KIRREL3: variants seen among roughly 807,000 people sequenced by gnomAD.
KIRREL3 encodes kin of IRRE-like protein 3.
In KIRREL3, 36 loss-of-function variants were observed where a neutral mutation model predicts 89.7. That is an observed-to-expected ratio of 0.40 (90% CI 0.31 to 0.53). KIRREL3 has a LOEUF of 0.53. Among genes scored for constraint, KIRREL3 ranks in the 20% least tolerant of loss-of-function variants. KIRREL3 has a pLI of 0.49. For missense variants in KIRREL3, 864 were observed against 1,056.6 expected (o/e 0.82, Z 2.53); for synonymous variants, 445 against 441.4 (o/e 1.01, Z -0.10).
chr11:126,704,812 TG>T lies in KIRREL3; in HGVS notation c.56-141901del, dbSNP rs1462222669. On this transcript the variant is annotated intron_variant, in intron 1 of 16. Transcript: ENST00000525144. This position sits in a 1 kb window ranked among gnomAD's most constrained non-coding sequence, Gnocchi z 4.2. Reference sequence around the variant, plus strand: ...CATCAGAATTGGTGACAAAACAAGCTGGGGGGCTCCTAAAGGAAGATACTGG... The same window carrying T: ...CATCAGAATTGGTGACAAAACAAGCTGGGGGCTCCTAAAGGAAGATACTGG... Among the ~76,000 whole-genome samples, 2 of 152,264 alleles carry T rather than the reference TG, an allele frequency of 1.3e-5. No homozygotes were observed. The highest frequency in any genetic ancestry group is 2.9e-5 in the Non-Finnish European group (2 of 68,014).
chr11:126,466,618 T>G (rs1303865532), intron 5 of KIRREL3, among the ~76,000 whole-genome samples: 2 of 152,198 alleles, frequency 1.3e-5, no homozygotes, highest in Admixed American at 6.5e-5. Context: ...TCACTCCTTT[T>G]CAGAAATGAA....
chr11:126,574,267 G>C lies in KIRREL3; in HGVS notation c.56-11355C>G, dbSNP rs951649269. On this transcript the variant is annotated intron_variant, in intron 1 of 16. Coordinates refer to ENST00000525144, the MANE Select transcript of KIRREL3 (RefSeq NM_032531.4). This position sits in a 1 kb window ranked among gnomAD's most constrained non-coding sequence, Gnocchi z 5.3. ...CACCCTGCTGCTAATGGCAGGGCTA[G>C]GATTTGACCACAACGCTTGGGGTAA... Among the ~76,000 whole-genome samples the C allele has an allele frequency of 6.6e-6, 1 of 152,198 alleles. No individual in the cohort carries two copies. The highest frequency in any genetic ancestry group is 2.4e-5 in the African/African-American group (1 of 41,442).
At chr11:126,855,468 A>G (rs1944476283) in intron 1 of KIRREL3, among the ~76,000 whole-genome samples, 1 of 152,220 alleles carries the variant, frequency 6.6e-6, no homozygotes, top group Admixed American at 6.5e-5. Context: ...TTGTGAGTCA[A>G]CAAAACCTCT....
intron 11 of KIRREL3, 44 bp downstream of exon 11, chr11:126,440,405 G>A: frequency 1.3e-6 from 2 of 1,523,726 alleles, no homozygotes; most frequent in South Asian, 1.2e-5. Context: ...AGTGACTGTT[G>A]GGCTGCTGGC....
chr11:126,648,376 T>C lies in KIRREL3; in HGVS notation c.56-85464A>G, dbSNP rs1009033223. Among the ~76,000 whole-genome samples the C allele has an allele frequency of 3.9e-5, 6 of 152,220 alleles. No individual in the cohort carries two copies. The East Asian group carries it at 7.7e-4, about 20-fold the overall frequency. ...TCCTGCCTCAGGGTCTTTGCACTTA[T>C]GCAGTTCCCTCTGCCTGGGATGTCC... On this transcript the variant is annotated intron_variant, in intron 1 of 16. Coordinates refer to ENST00000525144, the MANE Select transcript of KIRREL3 (RefSeq NM_032531.4).
chr11:126,934,091 T>TGTG (rs1231278953), intron 1 of KIRREL3, among the ~76,000 whole-genome samples: 4 of 151,948 alleles, frequency 2.6e-5, no homozygotes, highest in Non-Finnish European at 5.9e-5. Context: ...ATCCACACAG[T>TGTG]GTGGTGCTGA....
chr11:126,536,981 G>T (rs1456625380), intron 2 of KIRREL3, among the ~76,000 whole-genome samples: 1 of 152,012 alleles, frequency 6.6e-6, no homozygotes, highest in African/African-American at 2.4e-5. Context: ...GCTTGGAGGC[G>T]GCTCAGAGGC....
Position 126,606,015 on chromosome 11 carries a change from A to T in KIRREL3, c.56-43103T>A, listed in dbSNP as rs1942875340. Reference sequence around the variant, plus strand: ...CAGAGGGACGCAGGCCATCTTGGGAAGGAATCCCAGTTGACCACTCATTAT... The same window carrying T: ...CAGAGGGACGCAGGCCATCTTGGGATGGAATCCCAGTTGACCACTCATTAT... On this transcript the variant is annotated intron_variant, in intron 1 of 16. Coordinates refer to ENST00000525144, the MANE Select transcript of KIRREL3 (RefSeq NM_032531.4). This position sits in a 1 kb window ranked among gnomAD's most constrained non-coding sequence, Gnocchi z 4.6. Among the ~76,000 whole-genome samples the T allele has an allele frequency of 6.6e-6, 1 of 152,214 alleles. No individual in the cohort carries two copies. The highest frequency in any genetic ancestry group is 1.5e-5 in the Non-Finnish European group (1 of 68,040).
chr11:126,952,095 TAG>T (rs1212173531), intron 1 of KIRREL3, among the ~76,000 whole-genome samples: 2 of 152,152 alleles, frequency 1.3e-5, no homozygotes, highest in Non-Finnish European at 2.9e-5. Flanking sequence ...TAAGAATAAA[TAG>T]AGTTTTGGCT....
chr11:126,728,632 A>G (rs1431436920), intron 1 of KIRREL3, among the ~76,000 whole-genome samples: 1 of 152,190 alleles, frequency 6.6e-6, no homozygotes, highest in Non-Finnish European at 1.5e-5. Flanking sequence ...TAGGGCCCAC[A>G]GGAACCTGGA....
chr11:126,760,364 C>A (rs1341857643), intron 1 of KIRREL3, among the ~76,000 whole-genome samples: 4 of 152,232 alleles, frequency 2.6e-5, no homozygotes, highest in Non-Finnish European at 4.4e-5. Context: ...CTATGCTCAG[C>A]CTAACTGCTC....
chr11:126,442,347 C>CACACAA (rs1482328839), intron 10 of KIRREL3, among the ~76,000 whole-genome samples: 2 of 132,256 alleles, frequency 1.5e-5, no homozygotes, highest in Non-Finnish European at 3.3e-5. Flanking sequence ...CACACACACA[C>CACACAA]ACACACAAAA....
At chr11:126,735,418 C>T (rs960405182) in intron 1 of KIRREL3, among the ~76,000 whole-genome samples, 5 of 152,144 alleles carry the variant, frequency 3.3e-5, no homozygotes, top group African/African-American at 1.2e-4. Flanking sequence ...TTCCACCGGC[C>T]CCATTTCCCA....
intron 1 of KIRREL3, among the ~76,000 whole-genome samples, chr11:126,967,770 G>C (rs766395892): frequency 6.6e-6 from 1 of 152,090 alleles, no homozygotes; most frequent in East Asian, 1.9e-4. Flanking sequence ...CCCTCCCTGG[G>C]TACACTTGGT....
rs965280364 is a variant in KIRREL3 at position 126,978,559 on chromosome 11, C to G, written c.55+21896G>C. On this transcript the variant is annotated intron_variant, in intron 1 of 16. Coordinates refer to ENST00000525144, the MANE Select transcript of KIRREL3 (RefSeq NM_032531.4). The surrounding 1 kb of genome is among the most constrained non-coding windows in gnomAD (Gnocchi z 4.2). Reference sequence around the variant, plus strand: ...GGTCTATGCCCAGTGCATTCAGCCACTGATGCTCCTTGGTTCTGGCCACGC... The same window carrying G: ...GGTCTATGCCCAGTGCATTCAGCCAGTGATGCTCCTTGGTTCTGGCCACGC... Among the ~76,000 whole-genome samples, 3 of 152,228 alleles carry G rather than the reference C, an allele frequency of 2.0e-5. No homozygotes were observed. Among genetic ancestry groups the G allele is most frequent in the Non-Finnish European group, 4.4e-5 (3 of 68,050 alleles).
rs897005130 is a variant in KIRREL3, at chr11:126,740,223, A to C, written c.56-177311T>G. On this transcript the variant is annotated intron_variant, in intron 1 of 16. Coordinates refer to ENST00000525144, the MANE Select transcript of KIRREL3 (RefSeq NM_032531.4). The surrounding 1 kb of genome is among the most constrained non-coding windows in gnomAD (Gnocchi z 6.0). ...TTTTCTCTCCACATTCATTTTGAGCAGGTAATAAAGGCTATAGTGGGGGAG... is the reference window on the plus strand; with the variant it reads ...TTTTCTCTCCACATTCATTTTGAGCCGGTAATAAAGGCTATAGTGGGGGAG... Among the ~76,000 whole-genome samples the C allele has an allele frequency of 1.3e-5, 2 of 152,170 alleles. No homozygotes were observed. Among genetic ancestry groups the C allele is most frequent in the African/African-American group, 4.8e-5 (2 of 41,436 alleles).
intron 1 of KIRREL3, among the ~76,000 whole-genome samples, chr11:126,871,835 T>C (rs576696218): frequency 1.3e-5 from 2 of 152,324 alleles, no homozygotes; most frequent in South Asian, 4.2e-4. Flanking sequence ...CATCAGGTCC[T>C]GAACACTGAA....
At chr11:126,852,769 A>C (rs372215923) in intron 1 of KIRREL3, among the ~76,000 whole-genome samples, 4 of 152,194 alleles carry the variant, frequency 2.6e-5, no homozygotes, top group Non-Finnish European at 4.4e-5. Flanking sequence ...GCACTGTACT[A>C]AAGGTCCCCC....
chr11:126,576,897 C>G lies in KIRREL3; in HGVS notation c.56-13985G>C, dbSNP rs1941282208. ...GCTGCTATCTGCTGGGCACTTTACA[C>G]ACACACAGTTATGCCATTTAGTCCA... On this transcript the variant is annotated intron_variant, in intron 1 of 16. Transcript: ENST00000525144. This position sits in a 1 kb window ranked among gnomAD's most constrained non-coding sequence, Gnocchi z 5.4. Among the ~76,000 whole-genome samples the G allele has an allele frequency of 6.6e-6, 1 of 152,188 alleles. No homozygotes were observed. The highest frequency in any genetic ancestry group is 1.5e-5 in the Non-Finnish European group (1 of 68,048).
Sources: gnomAD v4.1 joint callset for allele counts (sites outside exome capture counted in the v4.1 genomes callset) on GRCh38, gnomAD v4.1.1 for gene constraint, Gnocchi (gnomAD v3.1) non-coding constraint, MANE v1.5 for transcripts, NCBI Gene and HGNC (gene_info 2026-07-23, HGNC 2026-07-21) for gene names.